Variants in SMG5 observed in about 807,000 individuals in gnomAD.
SMG5 encodes SMG5 nonsense mediated mRNA decay factor.
Under a neutral mutation model 122.9 loss-of-function variants are expected in SMG5, and 53 were observed. That is an observed-to-expected ratio of 0.43 (90% CI 0.35 to 0.54). SMG5 has a LOEUF of 0.54. Ranked by LOEUF, SMG5 falls within the 20% of genes least tolerant of loss-of-function variation. The probability of loss-of-function intolerance (pLI) is 0.01; values close to 1 mark genes in which losing one functional copy is unlikely to be tolerated. For synonymous variants in SMG5, 477 were observed against 490.2 expected, an observed-to-expected ratio of 0.97 and a Z score of 0.35; for missense variants, 1,153 against 1,285.6, an observed-to-expected ratio of 0.90 and a Z score of 1.58.
rs563696474 is a variant in SMG5, at chr1:156,280,218, C to A, written c.75-1184G>T. 3.3e-5 allele frequency among the ~76,000 whole-genome samples: 5 copies of A among 152,242 alleles called. No homozygotes were observed. The East Asian group carries it at 9.7e-4, about 29-fold the overall frequency. ...GGTCTCATATCTGGAAGGGTAAAAC[C>A]CAGAGGACATCAGGCAGGAGCTATA... is the stretch of plus-strand genomic sequence containing the variant. On this transcript the variant is annotated intron_variant, in intron 1 of 21. Coordinates refer to ENST00000361813, the MANE Select transcript of SMG5 (RefSeq NM_015327.3).
intron 6 of SMG5, 59 bp from the exon 7 acceptor site, chr1:156,272,457 G>C (rs1572593859): frequency 7.0e-7 from 1 of 1,419,004 alleles, no homozygotes. Flanking sequence ...AAGCTGCCAG[G>C]CCCAACCAAT....
chr1:156,287,310 G>A (rs1326306806), upstream of SMG5, among the ~76,000 whole-genome samples: 1 of 152,154 alleles, frequency 6.6e-6, no homozygotes, highest in South Asian at 2.1e-4. Flanking sequence ...CAGCTATTCA[G>A]GAGGCGGAGG....
upstream of SMG5, among the ~76,000 whole-genome samples, chr1:156,287,250 A>G (rs1663193302): frequency 6.6e-6 from 1 of 152,000 alleles, no homozygotes; most frequent in African/African-American, 2.4e-5. Context: ...CCCCAGGTCT[A>G]CTAAAAATAC....
At chr1:156,252,219 C>T (rs1047778079) in intron 19 of SMG5, among the ~76,000 whole-genome samples, 195 bp downstream of exon 19, 1 of 152,172 alleles carries the variant, frequency 6.6e-6, no homozygotes, top group Non-Finnish European at 1.5e-5. Flanking sequence ...CCTTTGGTCA[C>T]CCTCTATTTC....
At chr1:156,281,803 C>G (rs1390638093) in intron 1 of SMG5, among the ~76,000 whole-genome samples, 1 of 152,228 alleles carries the variant, frequency 6.6e-6, no homozygotes, top group Non-Finnish European at 1.5e-5. Context: ...CCAACAAATT[C>G]TCCACCTTTG....
rs769108305 is a variant in SMG5, at chr1:156,268,386, G to C, written c.743C>G (p.Ala248Gly). 2.5e-6 allele frequency: 4 copies of C among 1,614,100 alleles called. No individual in the cohort carries two copies. Among genetic ancestry groups the C allele is most frequent in the East Asian group, 2.2e-5 (1 of 44,888 alleles). The change falls in exon 8 of 22, where the codon GCC (alanine) becomes GGC (glycine). Residue 248 changes from alanine to glycine, a missense_variant. By Grantham distance (60) the Ala-to-Gly change is moderately conservative (BLOSUM62 0). This residue lies in a region of SMG5 where 85 missense variants were observed against 127.3 expected (regional missense o/e 0.67). Transcript: ENST00000361813. ...ATACAGCCGCTTGAGGTTCCCATAG[G>C]CTCCCTCAAAGGACACTTCTGACTG... Reference protein sequence around the residue: ...CIQSEVSFEGAYGNLKRLYDK... With the variant: ...CIQSEVSFEGGYGNLKRLYDK...
At chr1:156,265,074 A>ACACACACAG (rs1558237998) in intron 12 of SMG5, among the ~76,000 whole-genome samples, 1 of 71,022 alleles carries the variant, frequency 1.4e-5, no homozygotes, top group African/African-American at 5.6e-5. Flanking sequence ...CACACACACA[A>ACACACACAG]AAGCCGGGCA....
chr1:156,278,005 C>T lies in SMG5; in HGVS notation c.217G>A (p.Asp73Asn), dbSNP rs751755616. The change falls in exon 3 of 22, where the codon GAC becomes AAC. Residue 73 changes from aspartate (D) to asparagine (N), a missense_variant. By Grantham distance (23) the Asp-to-Asn change is conservative. This residue lies in a region of SMG5 where 213 missense variants were observed against 197.5 expected (regional missense o/e 1.08). Coordinates refer to ENST00000361813, the MANE Select transcript of SMG5 (RefSeq NM_015327.3). The part of the protein sequence containing the change: ...CVKLMFLHPV[D>N]YGRKAEELLW... ...AGCTCCTCAGCCTTTCTCCCATAGT[C>T]CACTGGGTGCAGGAACATAAGCTTG... 3 of 1,614,172 alleles carry T rather than the reference C, an allele frequency of 1.9e-6. No homozygotes were observed. The highest frequency in any genetic ancestry group is 2.5e-6 in the Non-Finnish European group (3 of 1,179,998).
chr1:156,291,483 T>C, the SMG5 span: 2 of 1,613,424 alleles, frequency 1.2e-6, no homozygotes, highest in Non-Finnish European at 1.7e-6. Flanking sequence ...ATGTGGAACC[T>C]CTACTACATG....
At chr1:156,285,283 G>A (rs774453187), upstream of SMG5, 3 of 1,571,544 alleles carry the variant, frequency 1.9e-6, no homozygotes, top group African/African-American at 2.7e-5. Flanking sequence ...ATTCCCCAGA[G>A]AAGAGCTCAC....
At chr1:156,274,510 C>A in intron 5 of SMG5, 87 bp downstream of exon 5, 1 of 1,208,698 alleles carries the variant, frequency 8.3e-7, no homozygotes, top group Non-Finnish European at 1.2e-6. Context: ...TGCTCTCCAA[C>A]CATGTAATGG....
the SMG5 span, chr1:156,290,423 G>A: frequency 4.6e-5 from 7 of 151,924 alleles, no homozygotes; most frequent in Admixed American, 1.3e-4. Context: ...TGTAATCTCA[G>A]CACTTTGGGA....
chr1:156,258,472 G>T (rs1279777202), intron 16 of SMG5, among the ~76,000 whole-genome samples: 3 of 152,250 alleles, frequency 2.0e-5, no homozygotes, highest in Admixed American at 6.5e-5. Flanking sequence ...GTCAGTCTGG[G>T]TACAGGTCTT....
Position 156,253,479 on chromosome 1 carries a change from G to A in SMG5, c.2472C>T (p.Leu824=), listed in dbSNP as rs760196798. Residue 824 remains leucine, a synonymous_variant, in exon 17 of 22, where the codon CTC becomes CTT. Transcript: ENST00000361813. Reference sequence around the variant, plus strand: ...GTCGTAGCTGAGCCATGTCTCTCATGAGCCTGTTCCGACGAGCTTCCTCCT... The same window carrying A: ...GTCGTAGCTGAGCCATGTCTCTCATAAGCCTGTTCCGACGAGCTTCCTCCT... ...MAQEEARRNR[L]MRDMAQLRLQ... The A allele has an allele frequency of 6.2e-7, 1 of 1,614,094 alleles. No homozygotes were observed. The highest frequency in any genetic ancestry group is 2.2e-5 in the East Asian group (1 of 44,864).
upstream of SMG5, among the ~76,000 whole-genome samples, chr1:156,287,441 TA>T (rs568225119): frequency 1.3e-5 from 2 of 151,726 alleles, no homozygotes; most frequent in African/African-American, 4.8e-5. Context: ...TAATTAAAAT[TA>T]AAAAAATATA....
rs1662158949 is a variant in SMG5 at position 156,266,589 on chromosome 1, G to C, written c.1207C>G (p.Leu403Val). The C allele has an allele frequency of 6.2e-7, 1 of 1,613,996 alleles. No individual in the cohort carries two copies. Among genetic ancestry groups the C allele is most frequent in the Non-Finnish European group, 8.5e-7 (1 of 1,180,028 alleles). The change falls in exon 11 of 22, where the codon CTG (leucine) becomes GTG (valine). Residue 403 changes from leucine (L) to valine (V), a missense_variant. Physicochemically the swap from Leu to Val is conservative, Grantham distance 32. Transcript: ENST00000361813. The stretch of plus-strand genomic sequence containing the variant: ...GGGACGGGATTCTCGCCCTCTTCCA[G>C]CTCAGCCTGCAGCCGTATGTTGACA... ...NHVNIRLQAE[L>V]EEGENPVPAF... is the part of the protein sequence containing the mutation.
At chr1:156,255,391 T>C (rs1661536307) in intron 16 of SMG5, among the ~76,000 whole-genome samples, 2 of 151,378 alleles carry the variant, frequency 1.3e-5, no homozygotes, top group African/African-American at 4.9e-5. Context: ...ATATAAAAAT[T>C]AGCCAGTCGT....
chr1:156,272,183 G>A (rs1356701850), intron 7 of SMG5, 137 bp downstream of exon 7: 1 of 772,260 alleles, frequency 1.3e-6, no homozygotes, highest in Non-Finnish European at 2.1e-6. Context: ...GAGTCCCCCT[G>A]AATGGAGAGA....
chr1:156,250,742 G>A (rs753576722), intron 21 of SMG5, 72 bp from the exon 22 acceptor site: 2 of 1,600,636 alleles, frequency 1.2e-6, no homozygotes, highest in Admixed American at 1.7e-5. Flanking sequence ...TTGAGGCGCT[G>A]GGGAAGGAGT....
Sources: gnomAD v4.1 joint callset for allele counts (sites outside exome capture counted in the v4.1 genomes callset) on GRCh38, gnomAD v4.1.1 for gene constraint, gnomAD v4.1.1 regional missense constraint, MANE v1.5 for transcripts, NCBI Gene and HGNC (gene_info 2026-07-23, HGNC 2026-07-21) for gene names.